Variants in SPATS2 observed in about 807,000 individuals in gnomAD.
SPATS2 encodes spermatogenesis associated serine rich 2, also known as spermatogenesis-associated serine-rich protein 2.
Under a neutral mutation model 63.7 loss-of-function variants are expected in SPATS2, and 38 were observed. The observed-to-expected ratio is 0.60, with a 90% confidence interval of 0.46 to 0.78. The LOEUF (loss-of-function observed/expected upper bound fraction) is 0.78. Among genes scored for constraint, SPATS2 ranks in the 30% least tolerant of loss-of-function variants. The pLI is 0.00. For synonymous variants in SPATS2, 207 were observed against 232.9 expected (o/e 0.89, Z 1.01); for missense variants, 588 against 666.2 (o/e 0.88, Z 1.29).
intron 2 of SPATS2, among the ~76,000 whole-genome samples, chr12:49,416,419 G>A (rs1036616001): frequency 6.6e-6 from 1 of 152,114 alleles, no homozygotes; most frequent in Non-Finnish European, 1.5e-5. Context: ...CTTATATGGT[G>A]ACTTGGACTT....
At chr12:49,431,238 T>C (rs966815211) in intron 2 of SPATS2, among the ~76,000 whole-genome samples, 2 of 151,912 alleles carry the variant, frequency 1.3e-5, no homozygotes, top group African/African-American at 4.8e-5. Context: ...ACTTAATAAA[T>C]ATATAAAGAA....
At chr12:49,483,326 G>A (rs1395830078) in intron 3 of SPATS2, among the ~76,000 whole-genome samples, 1 of 151,554 alleles carries the variant, frequency 6.6e-6, no homozygotes, top group Non-Finnish European at 1.5e-5. Context: ...AAACATTCGA[G>A]TTATATCATT....
chr12:49,370,361 T>C (rs1325857589), intron 1 of SPATS2, among the ~76,000 whole-genome samples: 1 of 152,230 alleles, frequency 6.6e-6, no homozygotes, highest in Non-Finnish European at 1.5e-5. Context: ...TAACTGATTA[T>C]TTCAGTCTTG....
Position 49,421,423 on chromosome 12 carries a change from A to C in SPATS2, c.-243-39347A>C, listed in dbSNP as rs1256712199. ...CAGAGCAAGACTTTGTCTCAAAAAA[A>C]AAAAAAAAAAAAAAAAAAAACAACC... is the stretch of plus-strand genomic sequence containing the variant. On this transcript the variant is annotated intron_variant, in intron 2 of 13. Transcript: ENST00000552918. 1.3e-3 allele frequency among the ~76,000 whole-genome samples: 197 copies of C among 149,740 alleles called. 2 individuals carry two copies. The highest frequency in any genetic ancestry group is 4.4e-3 in the African/African-American group (182 of 41,028).
At chr12:49,415,111 T>A (rs1592374506) in intron 2 of SPATS2, among the ~76,000 whole-genome samples, 1 of 151,842 alleles carries the variant, frequency 6.6e-6, no homozygotes. Flanking sequence ...TGTATTTTTT[T>A]AGTAGAGATG....
At chr12:49,383,721 G>C (rs961078331) in intron 2 of SPATS2, among the ~76,000 whole-genome samples, 1 of 152,020 alleles carries the variant, frequency 6.6e-6, no homozygotes, top group African/African-American at 2.4e-5. Context: ...CTTCCTGCAT[G>C]GTGTTTATTG....
intron 5 of SPATS2, 97 bp downstream of exon 5, chr12:49,489,670 G>T: frequency 1.0e-6 from 1 of 961,160 alleles, no homozygotes; most frequent in South Asian, 1.6e-5. Flanking sequence ...ATTCATAGAT[G>T]ATAGAGCAGA....
intron 3 of SPATS2, among the ~76,000 whole-genome samples, chr12:49,483,494 G>A (rs571708206): frequency 6.6e-6 from 1 of 152,188 alleles, no homozygotes; most frequent in South Asian, 2.1e-4. Flanking sequence ...AATACTGTTT[G>A]TATAAGTGTT....
At chr12:49,432,331 G>T (rs948037158) in intron 2 of SPATS2, among the ~76,000 whole-genome samples, 1 of 152,192 alleles carries the variant, frequency 6.6e-6, no homozygotes, top group Non-Finnish European at 1.5e-5. Context: ...AATTAGCTGG[G>T]TGTGGTGGCA....
At chr12:49,480,000 G>A (rs1946179884) in intron 3 of SPATS2, among the ~76,000 whole-genome samples, 1 of 152,122 alleles carries the variant, frequency 6.6e-6, no homozygotes, top group African/African-American at 2.4e-5. Context: ...GATTAAGAGA[G>A]GATATTCTGG....
rs1361993579 is a variant in SPATS2, at chr12:49,505,311, G to GT, written c.839+5109dup. ...ATCATTCTTTGGTTTTTGAAGCTTA[G>GT]TTTGTTGATATCTTGTTTCTACTAG... On this transcript the variant is annotated intron_variant, in intron 9 of 13. Transcript: ENST00000552918. Among the ~76,000 whole-genome samples, 3 of 152,104 alleles carry GT rather than the reference G, an allele frequency of 2.0e-5. No homozygotes were observed. The East Asian group carries it at 5.8e-4, about 29-fold the overall frequency.
chr12:49,462,686 G>A, intron 3 of SPATS2: 1 of 564,822 alleles, frequency 1.8e-6, no homozygotes, highest in East Asian at 3.0e-5. Context: ...AGCAGGAAGG[G>A]GAGCTGAAAA....
intron 4 of SPATS2, among the ~76,000 whole-genome samples, chr12:49,486,776 G>A (rs1262186232): frequency 5.6e-5 from 8 of 143,262 alleles, no homozygotes; most frequent in Admixed American, 1.4e-4. Context: ...GCGAGACTCC[G>A]TCAAAAAAAA....
At chr12:49,460,011 G>A (rs1223156774) in intron 2 of SPATS2, among the ~76,000 whole-genome samples, 1 of 151,834 alleles carries the variant, frequency 6.6e-6, no homozygotes, top group African/African-American at 2.4e-5. Flanking sequence ...GGGAGGCCGA[G>A]GCAGGAGAAT....
intron 4 of SPATS2, among the ~76,000 whole-genome samples, chr12:49,487,755 A>T (rs1366942435): frequency 6.6e-6 from 1 of 151,912 alleles, no homozygotes; most frequent in African/African-American, 2.4e-5. Context: ...GTGCCACCAC[A>T]TCCGGCTAAT....
In SPATS2 at chr12:49,524,792, T is replaced by C. The variant is rs370162255; in HGVS notation, c.1222T>C (p.Ser408Pro). 1.5e-5 allele frequency: 24 copies of C among 1,613,954 alleles called. No homozygotes were observed. The South Asian group carries it at 2.4e-4, about 16-fold the overall frequency. Residue 408 changes from serine (S) to proline (P), a missense_variant, in exon 13 of 14, where the codon TCT becomes CCT. By Grantham distance (74) the Ser-to-Pro change is moderately conservative. Coordinates refer to ENST00000552918, the MANE Select transcript of SPATS2 (RefSeq NM_023071.4). ...ASAASSSTCA[S>P]PPSLTSANKK... is the part of the protein sequence containing the mutation. ...TGCTGCTTCCTCTTCCACCTGTGCC[T>C]CTCCTCCCAGCCTTACAAGTGCTAA... is the stretch of plus-strand genomic sequence containing the variant.
In SPATS2 at chr12:49,370,781, C is replaced by G. The variant is rs905330760; in HGVS notation, c.-306-447C>G. On this transcript the variant is annotated intron_variant, in intron 1 of 13. Transcript: ENST00000552918. ...TATTGGCTAGTTTGTTTACTCCCCC[C>G]CAACCTCCTCCCACCTGCCCAGAAA... 5.3e-5 allele frequency among the ~76,000 whole-genome samples: 8 copies of G among 152,306 alleles called. No individual in the cohort carries two copies. In the East Asian group the frequency reaches 7.7e-4, roughly 15 times the overall value.
At chr12:49,487,842 A>G (rs1307911471) in intron 4 of SPATS2, among the ~76,000 whole-genome samples, 1 of 152,028 alleles carries the variant, frequency 6.6e-6, no homozygotes, top group Non-Finnish European at 1.5e-5. Context: ...GGATCCTCCC[A>G]CCTCAGCCTC....
chr12:49,425,152 G>C (rs1156495549), intron 2 of SPATS2, among the ~76,000 whole-genome samples: 19 of 152,070 alleles, frequency 1.2e-4, no homozygotes, highest in Admixed American at 1.2e-3. Context: ...AGAACTCTTA[G>C]AGACTTGAAG....
Sources: allele counts gnomAD v4.1 joint callset (sites outside exome capture counted in the v4.1 genomes callset), GRCh38; gene constraint gnomAD v4.1.1; transcripts MANE v1.5; gene names NCBI Gene and HGNC (gene_info 2026-07-23, HGNC 2026-07-21).